CNOT3: variants seen among roughly 807,000 people sequenced by gnomAD.
CNOT3 encodes the protein CCR4-NOT transcription complex subunit 3.
Under a neutral mutation model 89.4 loss-of-function variants are expected in CNOT3, and 2 were observed. The observed-to-expected ratio is 0.02, with a 90% confidence interval of 0.01 to 0.07. The LOEUF (loss-of-function observed/expected upper bound fraction) is 0.07. Among genes scored for constraint, CNOT3 ranks in the 10% least tolerant of loss-of-function variants. The probability of loss-of-function intolerance (pLI) is 1.00; values close to 1 mark genes in which losing one functional copy is unlikely to be tolerated. For missense variants in CNOT3, 664 were observed against 1,010.2 expected, an observed-to-expected ratio of 0.66 and a Z score of 4.65; for synonymous variants, 486 against 402.0, an observed-to-expected ratio of 1.21 and a Z score of -2.50.
At position 54,152,569 on chromosome 19, in the gene CNOT3, C is replaced by T; in HGVS notation, c.1847C>T (p.Ala616Val). Reference protein sequence around the residue: ...PLTKEQLYQQAMEEAAWHHMP... With the variant: ...PLTKEQLYQQVMEEAAWHHMP... The stretch of plus-strand genomic sequence containing the variant: ...ACCAAGGAGCAGCTCTATCAGCAGG[C>T]CATGGAAGAGGCCGCCTGGCACCAC... The change falls in exon 15 of 18, where the codon GCC becomes GTC. Residue 616 changes from alanine to valine, a missense_variant. This residue lies in a region of CNOT3 where 545 missense variants were observed against 566.2 expected (regional missense o/e 0.96). Coordinates refer to ENST00000221232, the MANE Select transcript of CNOT3 (RefSeq NM_014516.4). The T allele has an allele frequency of 6.2e-7, 1 of 1,614,084 alleles. No individual in the cohort carries two copies. The highest frequency in any genetic ancestry group is 2.2e-5 in the East Asian group (1 of 44,880).
chr19:54,148,430 G>C lies in CNOT3; in HGVS notation c.1177G>C (p.Val393Leu). Residue 393 changes from valine (V) to leucine (L), a missense_variant, in exon 11 of 18, where the codon GTC (valine) becomes CTC (leucine). Around this residue, in one of 8 missense-constraint regions of CNOT3, gnomAD observed 545 missense variants for 566.2 expected, o/e 0.96. Transcript: ENST00000221232. The surrounding 1 kb of genome is among the most constrained non-coding windows in gnomAD (Gnocchi z 6.3). The part of the protein sequence containing the change: ...PSTTQPRPPS[V>L]QPSGGGGGGS... ...CACGACCCAGCCCCGGCCCCCCAGCGTCCAGCCTAGCGGAGGCGGAGGCGG... is the reference window on the plus strand; with the variant it reads ...CACGACCCAGCCCCGGCCCCCCAGCCTCCAGCCTAGCGGAGGCGGAGGCGG... The C allele has an allele frequency of 6.4e-7, 1 of 1,565,418 alleles. No individual in the cohort carries two copies. Among genetic ancestry groups the C allele is most frequent in the Non-Finnish European group, 8.7e-7 (1 of 1,153,818 alleles).
intron 9 of CNOT3, 150 bp downstream of exon 9, chr19:54,146,193 A>G: frequency 1.2e-6 from 1 of 817,132 alleles, no homozygotes; most frequent in East Asian, 2.7e-5. Flanking sequence ...AGCACACGCT[A>G]AGGTCCTATA....
intron 17 of CNOT3, chr19:54,154,185 G>A (rs1486087648): frequency 4.2e-5 from 20 of 476,936 alleles, no homozygotes; most frequent in African/African-American, 3.7e-4. Flanking sequence ...ACCAGGCTGT[G>A]GGCTCTGCTG....
Position 54,152,849 on chromosome 19 carries a change from T to C in CNOT3, c.1905-18T>C. On this transcript the variant is annotated intron_variant, in intron 15 of 17. Coordinates refer to ENST00000221232, the MANE Select transcript of CNOT3 (RefSeq NM_014516.4). ...GACTAGTAGGCAGCTGGCACTGACC[T>C]TCCTGTTGCTCTCACAGGCAGTACC... The C allele has an allele frequency of 1.5e-6, 2 of 1,296,232 alleles. No individual in the cohort carries two copies. 80.3% of individuals were successfully genotyped at this position (1,296,232 alleles called of 1,614,324 possible). A position where few individuals can be genotyped will look rare whatever the true frequency, so the allele number is the denominator to read the frequency against.
chr19:54,152,717 A>G, intron 15 of CNOT3, 91 bp downstream of exon 15: 1 of 1,178,870 alleles, frequency 8.5e-7, no homozygotes, highest in Non-Finnish European at 1.3e-6. Flanking sequence ...GTAGAGCACC[A>G]GGCCCCTGAC....
At chr19:54,153,982 C>G in intron 17 of CNOT3, 142 bp downstream of exon 17, 1 of 1,055,374 alleles carries the variant, frequency 9.5e-7, no homozygotes, top group Non-Finnish European at 1.5e-6. Flanking sequence ...ACTCCTCCCT[C>G]TGGCTGTCTG....
Position 54,148,262 on chromosome 19 carries a change from A to G in CNOT3, c.1009A>G (p.Thr337Ala). The change falls in exon 11 of 18, where the codon ACT (threonine) becomes GCT (alanine). Residue 337 changes from threonine (T) to alanine (A), a missense_variant. Around this residue, in one of 8 missense-constraint regions of CNOT3, gnomAD observed 545 missense variants for 566.2 expected, o/e 0.96. Coordinates refer to ENST00000221232, the MANE Select transcript of CNOT3 (RefSeq NM_014516.4). This position sits in a 1 kb window ranked among gnomAD's most constrained non-coding sequence, Gnocchi z 6.3. ...GCCTGCTGCCTCTGCCTTGAGCACC[A>G]CTCCTGGCAACAATGGGGTCCCCGC... ...PPPAASALSTTPGNNGVPAPA... is the reference protein window; with the variant it reads ...PPPAASALSTAPGNNGVPAPA... The G allele has an allele frequency of 6.2e-7, 1 of 1,604,176 alleles. No homozygotes were observed. Among genetic ancestry groups the G allele is most frequent in the Middle Eastern group, 1.7e-4 (1 of 6,032 alleles).
At position 54,144,074 on chromosome 19, in the gene CNOT3, C is replaced by T; in HGVS notation, c.327C>T (p.Gly109=). The T allele has an allele frequency of 1.9e-6, 3 of 1,602,968 alleles. No individual in the cohort carries two copies. Among genetic ancestry groups the T allele is most frequent in the Non-Finnish European group, 2.5e-6 (3 of 1,176,756 alleles). The stretch of plus-strand genomic sequence containing the variant: ...AAGCTTACAGCAAAGAGGGCCTGGG[C>T]CTGGCCCAGAAGGTAGATCCTGCCC... ...KTKAYSKEGL[G]LAQKVDPAQK... Residue 109 remains glycine, a synonymous_variant, in exon 6 of 18, where the codon GGC becomes GGT. Coordinates refer to ENST00000221232, the MANE Select transcript of CNOT3 (RefSeq NM_014516.4). The surrounding 1 kb of genome is among the most constrained non-coding windows in gnomAD (Gnocchi z 4.8).
chr19:54,138,149 G>A (rs1179194839), intron 1 of CNOT3, among the ~76,000 whole-genome samples, 156 bp downstream of exon 1: 2 of 151,786 alleles, frequency 1.3e-5, no homozygotes, highest in African/African-American at 4.8e-5. Context: ...TGCAGCGCGG[G>A]GCTCCCGGCG....
chr19:54,143,995 ACT>A lies in CNOT3; in HGVS notation c.259-6_259-5del, dbSNP rs2074559541. ...CTTTGAGAGCCCCCCTGCCAACTGCACTCTCTACAGCAAATGGAACGGTTCAA... is the reference window on the plus strand; with the variant it reads ...CTTTGAGAGCCCCCCTGCCAACTGCACTCTACAGCAAATGGAACGGTTCAA... On this transcript the variant is annotated splice_polypyrimidine_tract_variant and intron_variant, in intron 5 of 17. Transcript: ENST00000221232. 1 of 1,588,360 alleles carries A rather than the reference ACT, an allele frequency of 6.3e-7. No homozygotes were observed. The highest frequency in any genetic ancestry group is 8.5e-7 in the Non-Finnish European group (1 of 1,173,360).
chr19:54,137,892 A>G lies in CNOT3; in HGVS notation c.-152A>G, dbSNP rs1334495757. The G allele has an allele frequency of 1.3e-5, 2 of 151,196 alleles. No individual in the cohort carries two copies. Among genetic ancestry groups the G allele is most frequent in the African/African-American group, 2.4e-5 (1 of 41,168 alleles). 9.4% of individuals were successfully genotyped at this position (151,196 alleles called of 1,614,324 possible). A position where few individuals can be genotyped will look rare whatever the true frequency, so the allele number is the denominator to read the frequency against. On this transcript the variant is annotated 5_prime_UTR_variant, in exon 1 of 18. Coordinates refer to ENST00000221232, the MANE Select transcript of CNOT3 (RefSeq NM_014516.4). ...AACCCCACTTCCGCTTCGCGCCGCT[A>G]TCGCGATAGCGCCCGGGCCCGGGGC...
intron 1 of CNOT3, among the ~76,000 whole-genome samples, chr19:54,139,005 C>T (rs1192594713): frequency 2.0e-5 from 3 of 152,206 alleles, no homozygotes; most frequent in African/African-American, 7.2e-5. Context: ...CCACTGTGGT[C>T]TTGTTGCTGG....
In CNOT3 at chr19:54,145,631, A is replaced by G. The variant is rs2074634197; in HGVS notation, c.517A>G (p.Ile173Val). The G allele has an allele frequency of 6.2e-7, 1 of 1,613,932 alleles. No individual in the cohort carries two copies. Among genetic ancestry groups the G allele is most frequent in the Non-Finnish European group, 8.5e-7 (1 of 1,179,874 alleles). Residue 173 changes from isoleucine (I) to valine (V), a missense_variant, in exon 8 of 18, where the codon ATC (isoleucine) becomes GTC (valine). Physicochemically the swap from Ile to Val is conservative, Grantham distance 29. This residue lies in a region of CNOT3 where 37 missense variants were observed against 79.5 expected (regional missense o/e 0.47). Coordinates refer to ENST00000221232, the MANE Select transcript of CNOT3 (RefSeq NM_014516.4). This position sits in a 1 kb window ranked among gnomAD's most constrained non-coding sequence, Gnocchi z 5.9. ...QDRIEGLKRH[I>V]EKHRYHVRML... is the part of the protein sequence containing the mutation. ...CCGGATTGAGGGCTTGAAGCGGCAC[A>G]TCGAGAAGCACCGCTACCACGTGCG...
intron 17 of CNOT3, 197 bp from the exon 18 acceptor site, chr19:54,155,112 C>T (rs1186183943): frequency 1.6e-6 from 1 of 626,278 alleles, no homozygotes; most frequent in East Asian, 3.1e-5. Context: ...CCGTTTCCTC[C>T]TCGCTGAAGT....
rs565613880 is a variant in CNOT3, at chr19:54,155,206, G to A, written c.2164-103G>A. 4.5e-5 allele frequency: 65 copies of A among 1,453,884 alleles called. No homozygotes were observed. The African/African-American group carries it at 7.6e-4, about 17-fold the overall frequency. The allele number at this position is 1,453,884 out of a possible 1,614,324, so 90.1% of individuals were successfully genotyped here. A position where few individuals can be genotyped will look rare whatever the true frequency, so the allele number is the denominator to read the frequency against. ...GTGCAGGGCAGCTGGCCCGGTGCCTGACACATCCACAGCCCTAAGAATTGT... is the reference window on the plus strand; with the variant it reads ...GTGCAGGGCAGCTGGCCCGGTGCCTAACACATCCACAGCCCTAAGAATTGT... On this transcript the variant is annotated intron_variant, in intron 17 of 17. Transcript: ENST00000221232.
intron 17 of CNOT3, chr19:54,155,096 C>T: frequency 1.7e-6 from 1 of 591,010 alleles, no homozygotes. Context: ...ACCTCTGCGG[C>T]CCCCTCCGTT....
intron 13 of CNOT3, among the ~76,000 whole-genome samples, chr19:54,150,603 AGGCTGTCCAGGAGGCAGTGTGCGCG>A (rs2075028957): frequency 1.3e-5 from 2 of 151,446 alleles, no homozygotes; most frequent in African/African-American, 2.4e-5. Context: ...GTGCGCGCCC[AGGCTGTCCAGGAGGCAGTGTGCGCG>A]CCCAGGCTGT....
rs1568657677 is a variant in CNOT3, at chr19:54,148,895, AC to A, written c.1406+157del. ...ATCCTCCATCTCCCTCGGGTGTTAC[AC>A]CCCCACTTCTTTCCAGCAAGGAAAC... On this transcript the variant is annotated intron_variant, in intron 12 of 17. Transcript: ENST00000221232. This position sits in a 1 kb window ranked among gnomAD's most constrained non-coding sequence, Gnocchi z 6.3. 1.5e-6 allele frequency: 1 copy of A among 654,356 alleles called. No homozygotes were observed. The highest frequency in any genetic ancestry group is 2.6e-6 in the Non-Finnish European group (1 of 388,836). The allele number at this position is 654,356 out of a possible 1,614,324, so 40.5% of individuals were successfully genotyped here.
chr19:54,143,336 A>C, intron 3 of CNOT3, 106 bp from the exon 4 acceptor site: 42 of 733,872 alleles, frequency 5.7e-5, no homozygotes, highest in Non-Finnish European at 7.5e-5. Context: ...GATTGGGGGT[A>C]GGGGTTGGGG....
Sources: gnomAD v4.1 joint callset for allele counts (sites outside exome capture counted in the v4.1 genomes callset) on GRCh38, gnomAD v4.1.1 for gene constraint, gnomAD v4.1.1 regional missense constraint, Gnocchi (gnomAD v3.1) non-coding constraint, MANE v1.5 for transcripts, NCBI Gene and HGNC (gene_info 2026-07-23, HGNC 2026-07-21) for gene names.